The following WWOX variants were observed in gnomAD, a reference collection of about 807,000 sequenced individuals.
The protein encoded by WWOX is WW domain-containing oxidoreductase.
A neutral mutation model predicts 46.2 loss-of-function variants in WWOX; 69 were observed. That is an observed-to-expected ratio of 1.49 (90% CI 1.23 to 1.82). The LOEUF is 1.82. WWOX is among the 40% of genes most tolerant of loss of function. The pLI is 0.00. For missense variants in WWOX, 919 were observed against 542.6 expected, an observed-to-expected ratio of 1.69 and a Z score of -6.89; for synonymous variants, 359 against 202.6, an observed-to-expected ratio of 1.77 and a Z score of -6.56.
chr16:78,473,064 A>G (rs1290519728), intron 8 of WWOX, among the ~76,000 whole-genome samples: 2 of 152,358 alleles, frequency 1.3e-5, no homozygotes, highest in South Asian at 4.1e-4. Flanking sequence ...TGAAAACTAC[A>G]TGAAGTTTAA....
chr16:78,364,887 T>A (rs2081499026), intron 5 of WWOX, among the ~76,000 whole-genome samples: 1 of 152,232 alleles, frequency 6.6e-6, no homozygotes, highest in Admixed American at 6.5e-5. Flanking sequence ...TGATTTTTCT[T>A]GTCTTTATCC....
At chr16:78,610,264 T>G (rs1482076662) in intron 8 of WWOX, among the ~76,000 whole-genome samples, 1 of 152,132 alleles carries the variant, frequency 6.6e-6, no homozygotes, top group Non-Finnish European at 1.5e-5. Context: ...CCCAGAGATA[T>G]GAAGTACACT....
intron 4 of WWOX, among the ~76,000 whole-genome samples, chr16:78,128,096 A>G (rs2033435248): frequency 6.6e-6 from 1 of 152,204 alleles, no homozygotes; most frequent in Admixed American, 6.5e-5. Context: ...TATAGAAGAA[A>G]GACTCCTAAA....
At chr16:78,204,937 T>A (rs1255868725) in intron 5 of WWOX, among the ~76,000 whole-genome samples, 1 of 152,250 alleles carries the variant, frequency 6.6e-6, no homozygotes, top group African/African-American at 2.4e-5. Flanking sequence ...TCTAGATTCT[T>A]GCCTTGTGGA....
intron 8 of WWOX, among the ~76,000 whole-genome samples, chr16:78,434,829 A>G (rs2083300282): frequency 6.6e-6 from 1 of 152,174 alleles, no homozygotes; most frequent in Non-Finnish European, 1.5e-5. Flanking sequence ...AGTCATTGAT[A>G]GAAAATAGTG....
chr16:78,723,720 C>G (rs12597711), intron 8 of WWOX, among the ~76,000 whole-genome samples: 2 of 150,878 alleles, frequency 1.3e-5, no homozygotes, highest in South Asian at 2.1e-4. Flanking sequence ...TTGGAGTGCT[C>G]TCTGGGTTCA....
At chr16:78,964,217 G>T (rs1055027655) in intron 8 of WWOX, among the ~76,000 whole-genome samples, 1 of 152,202 alleles carries the variant, frequency 6.6e-6, no homozygotes, top group South Asian at 2.1e-4. Flanking sequence ...AGTTAGAACC[G>T]TTGGGAGGTC....
intron 6 of WWOX, among the ~76,000 whole-genome samples, chr16:78,414,287 C>G (rs913075461): frequency 3.3e-5 from 5 of 152,228 alleles, no homozygotes; most frequent in African/African-American, 1.2e-4. Flanking sequence ...AGCTTTATTG[C>G]TCACACAAAG....
At chr16:78,823,221 G>A (rs1241075422) in intron 8 of WWOX, among the ~76,000 whole-genome samples, 2 of 152,222 alleles carry the variant, frequency 1.3e-5, no homozygotes, top group Non-Finnish European at 2.9e-5. Flanking sequence ...GCCTTGGATG[G>A]TGCTGTATAG....
chr16:78,467,262 AT>A (rs1480049468), intron 8 of WWOX, among the ~76,000 whole-genome samples: 3 of 152,196 alleles, frequency 2.0e-5, no homozygotes, highest in Non-Finnish European at 2.9e-5. Context: ...ACCCATGTTA[AT>A]TAGATATGCA....
chr16:78,980,650 C>T (rs991621912), intron 8 of WWOX, among the ~76,000 whole-genome samples: 1 of 152,156 alleles, frequency 6.6e-6, no homozygotes, highest in Non-Finnish European at 1.5e-5. Context: ...TCCATAGTTG[C>T]AGGAACCCCA....
chr16:78,131,591 T>C (rs993533577), intron 4 of WWOX, among the ~76,000 whole-genome samples: 3 of 152,206 alleles, frequency 2.0e-5, no homozygotes, highest in South Asian at 2.1e-4. Context: ...TGTTTTTTTT[T>C]TCTTTTTTGA....
intron 8 of WWOX, among the ~76,000 whole-genome samples, chr16:78,964,852 A>G (rs544909620): frequency 6.6e-6 from 1 of 152,098 alleles, no homozygotes; most frequent in East Asian, 1.9e-4. Context: ...TGTCCCAGCC[A>G]CTCCAGTCAT....
intron 5 of WWOX, among the ~76,000 whole-genome samples, chr16:78,263,139 C>G (rs1343579558): frequency 6.6e-6 from 1 of 152,158 alleles, no homozygotes; most frequent in Non-Finnish European, 1.5e-5. Flanking sequence ...ACTCGAGAGG[C>G]TGAGGCAGGA....
intron 8 of WWOX, among the ~76,000 whole-genome samples, chr16:78,521,915 A>G (rs1374718505): frequency 5.9e-5 from 9 of 152,074 alleles, no homozygotes; most frequent in South Asian, 4.1e-4. Context: ...ACTGGTATGT[A>G]TATATTTTTG....
chr16:79,052,202 A>T (rs1412528721), intron 8 of WWOX, among the ~76,000 whole-genome samples: 6 of 52,946 alleles, frequency 1.1e-4, no homozygotes, highest in East Asian at 6.2e-4. Context: ...CCCCCACCCC[A>T]CCACAGTCCC....
intron 8 of WWOX, among the ~76,000 whole-genome samples, chr16:78,700,284 C>T (rs2048184701): frequency 6.9e-6 from 1 of 145,588 alleles, no homozygotes; most frequent in Non-Finnish European, 1.5e-5. Flanking sequence ...TGGACAGCTG[C>T]CTTCTTGCTG....
At chr16:78,692,672 G>C (rs2048016500) in intron 8 of WWOX, among the ~76,000 whole-genome samples, 1 of 152,242 alleles carries the variant, frequency 6.6e-6, no homozygotes, top group Non-Finnish European at 1.5e-5. Flanking sequence ...AGGGTCACCA[G>C]TGGAGTCCCA....
chr16:78,959,493 G>T (rs1239054509), intron 8 of WWOX, among the ~76,000 whole-genome samples: 1 of 152,134 alleles, frequency 6.6e-6, no homozygotes, highest in East Asian at 1.9e-4. Context: ...CCATCTATCT[G>T]TCCATCCATC....
Sources: gnomAD v4.1 joint callset for allele counts (sites outside exome capture counted in the v4.1 genomes callset) on GRCh38, gnomAD v4.1.1 for gene constraint, MANE v1.5 for transcripts, NCBI Gene and HGNC (gene_info 2026-07-23, HGNC 2026-07-21) for gene names.